CYTH2: variants seen among roughly 807,000 people sequenced by gnomAD.
The protein encoded by CYTH2 is cytohesin 2, also known as cytohesin-2.
Under a neutral mutation model 55.4 loss-of-function variants are expected in CYTH2, and 24 were observed. That is an observed-to-expected ratio of 0.43 (90% CI 0.31 to 0.61). The LOEUF (loss-of-function observed/expected upper bound fraction) is 0.61, where lower values mean the gene tolerates loss of function less well. Ranked by LOEUF, CYTH2 falls within the 20% of genes least tolerant of loss-of-function variation. The pLI is 0.08. For synonymous variants in CYTH2, 221 were observed against 209.6 expected (o/e 1.05, Z -0.47); for missense variants, 378 against 533.5 (o/e 0.71, Z 2.87).
Position 48,469,415 on chromosome 19 carries a change from T to G in CYTH2, c.-93T>G. 7.8e-7 allele frequency: 1 copy of G among 1,286,200 alleles called. No homozygotes were observed. The highest frequency in any genetic ancestry group is 9.9e-7 in the Non-Finnish European group (1 of 1,005,716). 79.7% of individuals were successfully genotyped at this position (1,286,200 alleles called of 1,614,324 possible). On this transcript the variant is annotated 5_prime_UTR_variant, in exon 1 of 12. Transcript: ENST00000452733. ...GGAGGCGGCGGTGGCTCCCGGGGCG[T>G]TTGAGCGGGCTCACCCGAGCCCGCG...
rs757540734 is a variant in CYTH2, at chr19:48,480,297, A to C, written c.*1087A>C. 1.3e-5 allele frequency: 2 copies of C among 152,242 alleles called. No homozygotes were observed. The highest frequency in any genetic ancestry group is 2.9e-5 in the Non-Finnish European group (2 of 68,032). 9.4% of individuals were successfully genotyped at this position (152,242 alleles called of 1,614,324 possible). ...CTTTAGTTAACAAACTACAAGTCCC[A>C]GCAGGGACCGGGACGCGGGTGGGAG... On this transcript the variant is annotated 3_prime_UTR_variant, in exon 12 of 12. Coordinates refer to ENST00000452733, the MANE Select transcript of CYTH2 (RefSeq NM_004228.7).
chr19:48,471,656 G>T lies in CYTH2; in HGVS notation c.235-669G>T, dbSNP rs567833263. On this transcript the variant is annotated intron_variant, in intron 3 of 11. Coordinates refer to ENST00000452733, the MANE Select transcript of CYTH2 (RefSeq NM_004228.7). ...GAGAGTGAGAGAAACCTCCAGTCTA[G>T]CCAGGGCTTCGAGTTCACAGCCCTT... Among the ~76,000 whole-genome samples the T allele has an allele frequency of 5.1e-4, 77 of 152,354 alleles. 1 individual carries two copies. Among genetic ancestry groups the T allele is most frequent in the African/African-American group, 1.8e-3 (74 of 41,582 alleles).
Position 48,470,400 on chromosome 19 carries a change from C to G in CYTH2, c.67C>G (p.Arg23Gly), listed in dbSNP as rs537667244. The change falls in exon 2 of 12, where the codon CGG becomes GGG. Residue 23 changes from arginine to glycine, a missense_variant. Coordinates refer to ENST00000452733, the MANE Select transcript of CYTH2 (RefSeq NM_004228.7). ...GGAGCGGATGGAGCTGGAGAACATC[C>G]GGCGGCGGAAGCAGGAGCTGCTGGT... ...PEERMELENI[R>G]RRKQELLVEI... 3 of 1,613,878 alleles carry G rather than the reference C, an allele frequency of 1.9e-6. No homozygotes were observed. In the South Asian group the frequency reaches 3.3e-5, roughly 18 times the overall value.
intron 8 of CYTH2, 161 bp from the exon 9 acceptor site, chr19:48,477,908 T>C (rs1056359622): frequency 3.4e-6 from 2 of 593,300 alleles, no homozygotes; most frequent in Admixed American, 5.9e-5. Context: ...AGCCCCAACA[T>C]GCCTGGCCCT....
intron 4 of CYTH2, chr19:48,472,971 TG>T: frequency 2.9e-6 from 1 of 339,846 alleles, no homozygotes; most frequent in Non-Finnish European, 5.6e-6. Context: ...CTGGGGGATG[TG>T]GGGGCTGTGT....
rs78430252 is a variant in CYTH2, at chr19:48,474,764, C to T, written c.697-74C>T. On this transcript the variant is annotated intron_variant, in intron 7 of 11. Coordinates refer to ENST00000452733, the MANE Select transcript of CYTH2 (RefSeq NM_004228.7). The surrounding 1 kb of genome is among the most constrained non-coding windows in gnomAD (Gnocchi z 4.9). ...CTATGAGTCATCCCATCCCTGGTCT[C>T]GCTGCCCCCCACCCTGAGTAACCCT... is the stretch of plus-strand genomic sequence containing the variant. 4.5e-3 allele frequency: 5,877 copies of T among 1,320,030 alleles called. 184 individuals carry two copies. The African/African-American group carries it at 0.074, about 17-fold the overall frequency. The allele number at this position is 1,320,030 out of a possible 1,614,324, so 81.8% of individuals were successfully genotyped here.
At position 48,480,730 on chromosome 19, in the gene CYTH2, C is replaced by G. The variant is rs1385096018; in HGVS notation, c.*1520C>G. ...AGTTCCAAATGAGAAAATAGAATTC[C>G]CCACTTCTCTTTCCCACAGGTGCCA... On this transcript the variant is annotated 3_prime_UTR_variant, in exon 12 of 12. Transcript: ENST00000452733. The G allele has an allele frequency of 6.6e-6, 1 of 152,248 alleles. No individual in the cohort carries two copies. The allele number at this position is 152,248 out of a possible 1,614,324, so 9.4% of individuals were successfully genotyped here.
chr19:48,473,798 G>A (rs2147506850), intron 5 of CYTH2, 107 bp from the exon 6 acceptor site: 3 of 853,582 alleles, frequency 3.5e-6, no homozygotes, highest in East Asian at 2.7e-5. Flanking sequence ...AACTGCTGAG[G>A]CCGGAAGGTC....
At chr19:48,470,274 C>A in intron 1 of CYTH2, 79 bp from the exon 2 acceptor site, 1 of 1,529,430 alleles carries the variant, frequency 6.5e-7, no homozygotes, top group Non-Finnish European at 8.8e-7. Context: ...CCTCTCCCAG[C>A]TCTGTCCGCC....
At position 48,474,980 on chromosome 19, in the gene CYTH2, C is replaced by T. The variant is rs1440064388; in HGVS notation, c.808+31C>T. 6.3e-7 allele frequency: 1 copy of T among 1,598,336 alleles called. No individual in the cohort carries two copies. Among genetic ancestry groups the T allele is most frequent in the African/African-American group, 1.3e-5 (1 of 74,414 alleles). On this transcript the variant is annotated intron_variant, in intron 8 of 11. Coordinates refer to ENST00000452733, the MANE Select transcript of CYTH2 (RefSeq NM_004228.7). The surrounding 1 kb of genome is among the most constrained non-coding windows in gnomAD (Gnocchi z 4.9). ...TGCCCTCCCGACCCCGCTGGTCCCT[C>T]CGCAGGAGGACATTTGTGGGCCTGG...
Position 48,474,009 on chromosome 19 carries a change from A to G in CYTH2, c.539A>G (p.Gln180Arg), listed in dbSNP as rs771051877. 3.1e-6 allele frequency: 5 copies of G among 1,609,484 alleles called. No individual in the cohort carries two copies. The highest frequency in any genetic ancestry group is 4.5e-5 in the East Asian group (2 of 44,784). Residue 180 changes from glutamine to arginine, a missense_variant, in exon 6 of 12, where the codon CAG becomes CGG. Transcript: ENST00000452733. This position sits in a 1 kb window ranked among gnomAD's most constrained non-coding sequence, Gnocchi z 4.9. ...RYCLCNPGVF[Q>R]STDTCYVLSF... ...TGCCTGTGCAACCCTGGGGTTTTCC[A>G]GTCCACAGGTGCGGGCCCCAAATCC...
chr19:48,470,918 C>T (rs994062510), intron 3 of CYTH2, among the ~76,000 whole-genome samples: 17 of 152,032 alleles, frequency 1.1e-4, no homozygotes, highest in South Asian at 4.1e-4. Context: ...CTTGTATGGG[C>T]GCATTTCTGG....
At chr19:48,470,276 C>A in intron 1 of CYTH2, 77 bp from the exon 2 acceptor site, 1 of 1,530,900 alleles carries the variant, frequency 6.5e-7, no homozygotes, top group Non-Finnish European at 8.8e-7. Flanking sequence ...TCTCCCAGCT[C>A]TGTCCGCCCC....
At chr19:48,478,386 C>T in intron 10 of CYTH2, 40 bp downstream of exon 10, 2 of 1,613,556 alleles carry the variant, frequency 1.2e-6, no homozygotes, top group Non-Finnish European at 8.5e-7. Context: ...AGGGCGGGGC[C>T]TCCTCTGCCC....
Position 48,478,132 on chromosome 19 carries a change from T to A in CYTH2, c.872T>A (p.Phe291Tyr). The A allele has an allele frequency of 6.2e-7, 1 of 1,614,058 alleles. No individual in the cohort carries two copies. The highest frequency in any genetic ancestry group is 8.5e-7 in the Non-Finnish European group (1 of 1,179,990). Residue 291 changes from phenylalanine (F) to tyrosine (Y), a missense_variant, in exon 9 of 12, where the codon TTT (phenylalanine) becomes TAT (tyrosine). By Grantham distance (22) the Phe-to-Tyr change is conservative. Transcript: ENST00000452733. ...CTCACAGACAACTGCCTCTACTACT[T>A]TGAGTACACCACGGTGAGCGTGACC... ...FILTDNCLYYFEYTTDKEPRG... is the reference protein window; with the variant it reads ...FILTDNCLYYYEYTTDKEPRG...
chr19:48,470,007 A>G, intron 1 of CYTH2: 1 of 569,552 alleles, frequency 1.8e-6, no homozygotes, highest in Non-Finnish European at 3.4e-6. Flanking sequence ...CTCGCCAGTA[A>G]TGGAGTCAGA....
chr19:48,469,767 G>A, intron 1 of CYTH2: 1 of 679,272 alleles, frequency 1.5e-6, no homozygotes, highest in Admixed American at 3.0e-5. Flanking sequence ...GGGATGGAGT[G>A]GTGGAGGCGA....
rs1036986913 is a variant in CYTH2 at position 48,476,337 on chromosome 19, C to T, written c.808+1388C>T. On this transcript the variant is annotated intron_variant, in intron 8 of 11. Transcript: ENST00000452733. ...GGAGGATTGTTTGAGCTCAAGTGGTCGAGGCTTCAGTGAGTCATGGTTGCG... is the reference window on the plus strand; with the variant it reads ...GGAGGATTGTTTGAGCTCAAGTGGTTGAGGCTTCAGTGAGTCATGGTTGCG... 10 of 200,546 alleles carry T rather than the reference C, an allele frequency of 5.0e-5. No homozygotes were observed. In the South Asian group the frequency reaches 5.8e-4, roughly 12 times the overall value. 12.4% of individuals were successfully genotyped at this position (200,546 alleles called of 1,614,324 possible).
At chr19:48,472,596 A>C (rs1971826022) in intron 4 of CYTH2, 153 bp downstream of exon 4, 4 of 740,284 alleles carry the variant, frequency 5.4e-6, no homozygotes, top group Admixed American at 2.0e-5. Flanking sequence ...ACTGTGACAG[A>C]ATGGACTGAC....
Sources: gnomAD v4.1 joint callset for allele counts (sites outside exome capture counted in the v4.1 genomes callset) on GRCh38, gnomAD v4.1.1 for gene constraint, Gnocchi (gnomAD v3.1) non-coding constraint, MANE v1.5 for transcripts, NCBI Gene and HGNC (gene_info 2026-07-23, HGNC 2026-07-21) for gene names.